Variants in CPLANE1 observed in about 807,000 individuals in gnomAD.
CPLANE1 encodes ciliogenesis and planar polarity effector 1.
CPLANE1 carries 263 observed loss-of-function variants against 362.5 expected under a neutral mutation model. That is an observed-to-expected ratio of 0.73 (90% CI 0.66 to 0.80). CPLANE1 has a LOEUF of 0.80. Among genes scored for constraint, CPLANE1 ranks in the 30% least tolerant of loss-of-function variants. The pLI, the probability that CPLANE1 is intolerant of heterozygous loss-of-function variation, is 0.00. For synonymous variants in CPLANE1, 1,212 were observed against 1,302.6 expected (o/e 0.93, Z 1.50); for missense variants, 3,461 against 3,793.4 (o/e 0.91, Z 2.30).
Position 37,172,194 on chromosome 5 carries a change from T to C in CPLANE1, c.6171+1561A>G, listed in dbSNP as rs535150830. On this transcript the variant is annotated intron_variant, in intron 32 of 52. Coordinates refer to ENST00000651892, the MANE Select transcript of CPLANE1 (RefSeq NM_001384732.1). ...TATTATACAAATTTGTTCCTGAAAT[T>C]TACTGAAGATTTTTAAACAGGTGAC... is the stretch of plus-strand genomic sequence containing the variant. 3.9e-5 allele frequency among the ~76,000 whole-genome samples: 6 copies of C among 152,224 alleles called. No homozygotes were observed. The South Asian group carries it at 1.2e-3, about 32-fold the overall frequency.
rs779085289 is a variant in CPLANE1, at chr5:37,121,689, G to T, written c.9113C>A (p.Pro3038Gln). 21 of 1,613,928 alleles carry T rather than the reference G, an allele frequency of 1.3e-5. No individual in the cohort carries two copies. Among genetic ancestry groups the T allele is most frequent in the Middle Eastern group, 1.6e-4 (1 of 6,084 alleles). ...GGGTTTGTTAGGCAATGGTTTCTGT[G>T]GTAGAGTTGGTAGCTGTACTGACTC... ...LSESVQLPTL[P>Q]QKPLPNKPSP... The change falls in exon 49 of 53, where the codon CCA (proline) becomes CAA (glutamine). Residue 3038 changes from proline (P) to glutamine (Q), a missense_variant. Pro to Gln is a moderately conservative substitution (Grantham distance 76). Coordinates refer to ENST00000651892, the MANE Select transcript of CPLANE1 (RefSeq NM_001384732.1).
At position 37,183,547 on chromosome 5, in the gene CPLANE1, C is replaced by T. The variant is rs765457523; in HGVS notation, c.4634G>A (p.Arg1545His). The change falls in exon 26 of 53, where the codon CGT becomes CAT. Residue 1545 changes from arginine to histidine, a missense_variant. Transcript: ENST00000651892. ...GAATTTAATATATTCATCATCATCA[C>T]GTTCAAATTCCCAAACACCTATTAC... ...LPVIGVWEFE[R>H]DDDEYIKFLD... 4.3e-6 allele frequency: 7 copies of T among 1,613,338 alleles called. No individual in the cohort carries two copies. The highest frequency in any genetic ancestry group is 2.2e-5 in the South Asian group (2 of 90,988).
At chr5:37,153,708 C>G (rs375770873) in intron 42 of CPLANE1, 32 bp downstream of exon 42, 330 of 1,577,312 alleles carry the variant, frequency 2.1e-4, no homozygotes, top group Non-Finnish European at 2.8e-4. Flanking sequence ...AATTCAGTAG[C>G]AAACAAAAAA....
chr5:37,201,454 G>C, intron 19 of CPLANE1, 137 bp downstream of exon 19: 1 of 668,110 alleles, frequency 1.5e-6, no homozygotes, highest in Admixed American at 2.9e-5. Context: ...TACAATTAGT[G>C]AACAGCAAAG....
Position 37,180,159 on chromosome 5 carries a change from A to AT in CPLANE1, c.5594dup (p.Asn1865LysfsTer3), listed in dbSNP as rs990257446. 7.2e-6 allele frequency: 11 copies of AT among 1,521,994 alleles called. No homozygotes were observed. The highest frequency in any genetic ancestry group is 1.3e-5 in the South Asian group (1 of 76,978). 94.3% of individuals were successfully genotyped at this position (1,521,994 alleles called of 1,614,324 possible). ...CATCATTGATTTCTTTTATATCAGGATTTTTTGCTTCAGTTGGCATTCTAC... is the reference window on the plus strand; with the variant it reads ...CATCATTGATTTCTTTTATATCAGGATTTTTTTGCTTCAGTTGGCATTCTAC... On this transcript the variant is annotated frameshift_variant, in exon 28 of 53. Transcript: ENST00000651892. LOFTEE classifies it high-confidence loss of function.
At chr5:37,082,538 A>G in the CPLANE1 span, among the ~76,000 whole-genome samples, 1 of 152,180 alleles carries the variant, frequency 6.6e-6, no homozygotes, top group African/African-American at 2.4e-5. Flanking sequence ...CAAGTATATA[A>G]CAGTCAACTA....
the CPLANE1 span, chr5:37,085,815 G>A: frequency 7.1e-7 from 1 of 1,414,626 alleles, no homozygotes; most frequent in Non-Finnish European, 1.0e-6. Flanking sequence ...GCTGAAGAGA[G>A]AGACAAAAGA....
At chr5:37,093,282 C>T in the CPLANE1 span, among the ~76,000 whole-genome samples, 4 of 152,296 alleles carry the variant, frequency 2.6e-5, no homozygotes, top group East Asian at 5.8e-4. Flanking sequence ...TGCACGTCTG[C>T]AAGCCCTTGA....
chr5:37,228,223 A>G (rs1472129239), intron 9 of CPLANE1, among the ~76,000 whole-genome samples: 1 of 152,140 alleles, frequency 6.6e-6, no homozygotes, highest in Admixed American at 6.5e-5. Context: ...GAAAGAAAAA[A>G]GTTGAGAAGA....
intron 46 of CPLANE1, among the ~76,000 whole-genome samples, chr5:37,133,435 C>T (rs1283776449): frequency 6.6e-6 from 1 of 151,820 alleles, no homozygotes; most frequent in African/African-American, 2.4e-5. Context: ...ATGTCACCTG[C>T]GATTTCTTTC....
the CPLANE1 span, among the ~76,000 whole-genome samples, chr5:37,087,559 C>T: frequency 2.0e-5 from 3 of 152,232 alleles, no homozygotes; most frequent in Non-Finnish European, 4.4e-5. Flanking sequence ...TGGGTTCAAA[C>T]CATTCTCCTG....
At chr5:37,124,695 G>T (rs1464941251) in intron 47 of CPLANE1, among the ~76,000 whole-genome samples, 1 of 152,068 alleles carries the variant, frequency 6.6e-6, no homozygotes. Context: ...TGGGACTACA[G>T]GTGTGTGCTA....
chr5:37,210,998 A>G (rs1792436792), intron 16 of CPLANE1: 1 of 792,178 alleles, frequency 1.3e-6, no homozygotes, highest in South Asian at 1.3e-5. Context: ...TAAAATCGCA[A>G]TTGAAGCAAA....
At chr5:37,215,136 G>A (rs1247349975) in intron 15 of CPLANE1, among the ~76,000 whole-genome samples, 3 of 151,884 alleles carry the variant, frequency 2.0e-5, no homozygotes, top group Non-Finnish European at 2.9e-5. Context: ...CACAAACCTC[G>A]CCTTCTGGGT....
intron 16 of CPLANE1, chr5:37,212,299 C>A: frequency 1.0e-6 from 1 of 1,002,502 alleles, no homozygotes; most frequent in Admixed American, 1.7e-5. Flanking sequence ...CAGGAAGGCT[C>A]CCTAGTGGAC....
At chr5:37,125,577 T>A in intron 46 of CPLANE1, 168 bp from the exon 47 acceptor site, 1 of 603,230 alleles carries the variant, frequency 1.7e-6, no homozygotes, top group Non-Finnish European at 2.8e-6. Flanking sequence ...TGAACTCCAC[T>A]GAAAATGGAC....
chr5:37,210,802 C>A (rs1453035246), intron 16 of CPLANE1: 4 of 1,133,508 alleles, frequency 3.5e-6, no homozygotes, highest in East Asian at 2.3e-5. Context: ...CCTGAACTTG[C>A]GGTCTTTCAG....
intron 8 of CPLANE1, among the ~76,000 whole-genome samples, chr5:37,235,139 A>G (rs1367772959): frequency 1.3e-5 from 2 of 152,224 alleles, no homozygotes; most frequent in African/African-American, 4.8e-5. Flanking sequence ...AGGATACTTT[A>G]TATTAACAAG....
chr5:37,158,141 T>C lies in CPLANE1; in HGVS notation c.7812+83A>G, dbSNP rs1775713113. 12 of 1,443,602 alleles carry C rather than the reference T, an allele frequency of 8.3e-6. No homozygotes were observed. The East Asian group carries it at 2.7e-4, about 33-fold the overall frequency. The allele number at this position is 1,443,602 out of a possible 1,614,324, so 89.4% of individuals were successfully genotyped here. ...AGATGAGATTTTTAACCTCATTTCA[T>C]CTACCCAATTGAATAATGTCTACAT... On this transcript the variant is annotated intron_variant, in intron 39 of 52. Coordinates refer to ENST00000651892, the MANE Select transcript of CPLANE1 (RefSeq NM_001384732.1).
Sources: allele counts gnomAD v4.1 joint callset (sites outside exome capture counted in the v4.1 genomes callset), GRCh38; gene constraint gnomAD v4.1.1; transcripts MANE v1.5; gene names NCBI Gene and HGNC (gene_info 2026-07-23, HGNC 2026-07-21).